The following LRRC70 variants were observed in gnomAD, a reference collection of about 807,000 sequenced individuals.
The protein encoded by LRRC70 is leucine rich repeat containing 70, also known as leucine-rich repeat-containing protein 70.
LRRC70 carries 31 observed loss-of-function variants against 42.4 expected under a neutral mutation model. That is an observed-to-expected ratio of 0.73 (90% CI 0.55 to 0.99). The LOEUF is 0.99. LRRC70 is among the 50% of genes least tolerant of loss of function. LRRC70 has a pLI of 0.00. For missense variants in LRRC70, 643 were observed against 707.5 expected, an observed-to-expected ratio of 0.91 and a Z score of 1.03; for synonymous variants, 270 against 262.9, an observed-to-expected ratio of 1.03 and a Z score of -0.26.
Position 62,580,697 on chromosome 5 carries a change from C to A in LRRC70, c.1259C>A (p.Ser420Tyr). 1 of 1,551,384 alleles carries A rather than the reference C, an allele frequency of 6.4e-7. No individual in the cohort carries two copies. The highest frequency in any genetic ancestry group is 2.4e-5 in the East Asian group (1 of 40,916). Residue 420 changes from serine to tyrosine, a missense_variant, in exon 2 of 2, where the codon TCT (serine) becomes TAT (tyrosine). By Grantham distance (144) the Ser-to-Tyr change is moderately radical. Coordinates refer to ENST00000334994, the MANE Select transcript of LRRC70 (RefSeq NM_181506.5). ...NVSRAWAVVK[S>Y]PHIHHKTTAL... ...TCCAGAGCTTGGGCTGTTGTAAAAT[C>A]TCCTCATATTCATCACAAGACTACT...
In LRRC70 at chr5:62,580,656, A is replaced by G. The variant is rs190449743; in HGVS notation, c.1218A>G (p.Thr406=). The G allele has an allele frequency of 7.1e-6, 11 of 1,551,518 alleles. No homozygotes were observed. In the East Asian group the frequency reaches 1.5e-4, roughly 21 times the overall value. The part of the protein sequence containing the change: ...LRYINITNCV[T]SSINVSRAWA... The stretch of plus-strand genomic sequence containing the variant: ...ATATTAACATTACAAATTGTGTTAC[A>G]TCTTCAATAAATGTATCCAGAGCTT... Residue 406 remains threonine (T), a synonymous_variant, in exon 2 of 2, where the codon ACA becomes ACG. Transcript: ENST00000334994.
Position 62,579,812 on chromosome 5 carries a change from C to T in LRRC70, c.374C>T (p.Pro125Leu). 1.9e-6 allele frequency: 3 copies of T among 1,545,900 alleles called. No individual in the cohort carries two copies. Among genetic ancestry groups the T allele is most frequent in the Non-Finnish European group, 2.6e-6 (3 of 1,143,286 alleles). ...LNNNFIKRLD[P>L]GIFKGLLNLR... is the part of the protein sequence containing the mutation. Reference sequence around the variant, plus strand: ...AATAATTTCATCAAACGCTTAGATCCTGGAATATTTAAGGGACTTTTAAAT... The same window carrying T: ...AATAATTTCATCAAACGCTTAGATCTTGGAATATTTAAGGGACTTTTAAAT... Residue 125 changes from proline to leucine, a missense_variant, in exon 2 of 2, where the codon CCT becomes CTT. Transcript: ENST00000334994.
rs151243125 is a variant in LRRC70 at position 62,580,458 on chromosome 5, G to A, written c.1020G>A (p.Leu340=). 6.4e-7 allele frequency: 1 copy of A among 1,551,324 alleles called. No individual in the cohort carries two copies. The highest frequency in any genetic ancestry group is 2.4e-5 in the East Asian group (1 of 40,910). ...TGTCATTTAATAATCTTACAGCCTTGCATCCAAGGGTCCTTAAGCCGTTGT... is the reference window on the plus strand; with the variant it reads ...TGTCATTTAATAATCTTACAGCCTTACATCCAAGGGTCCTTAAGCCGTTGT... ...LNLSFNNLTA[L]HPRVLKPLSS... The change falls in exon 2 of 2, where the codon TTG becomes TTA. Residue 340 remains leucine (L), a synonymous_variant. Coordinates refer to ENST00000334994, the MANE Select transcript of LRRC70 (RefSeq NM_181506.5).
In LRRC70 at chr5:62,581,345, T is replaced by C. The variant is rs1744552937; in HGVS notation, c.*38T>C. Reference sequence around the variant, plus strand: ...TTGTCTATAAGAAACTTCAGTGCCATGGACATGATTTAAACTGAAACCTCC... The same window carrying C: ...TTGTCTATAAGAAACTTCAGTGCCACGGACATGATTTAAACTGAAACCTCC... On this transcript the variant is annotated 3_prime_UTR_variant, in exon 2 of 2. Coordinates refer to ENST00000334994, the MANE Select transcript of LRRC70 (RefSeq NM_181506.5). The C allele has an allele frequency of 1.4e-6, 2 of 1,425,758 alleles. No homozygotes were observed. The highest frequency in any genetic ancestry group is 1.6e-5 in the South Asian group (1 of 64,132). The allele number at this position is 1,425,758 out of a possible 1,614,324, so 88.3% of individuals were successfully genotyped here.
Position 62,578,931 on chromosome 5 carries a change from T to C in LRRC70, c.-43T>C. 1 of 245,654 alleles carries C rather than the reference T, an allele frequency of 4.1e-6. No individual in the cohort carries two copies. The highest frequency in any genetic ancestry group is 2.3e-5 in the African/African-American group (1 of 43,248). The allele number at this position is 245,654 out of a possible 1,614,324, so 15.2% of individuals were successfully genotyped here. ...AGTGTTAATAATACGAATTTCCTTT[T>C]CTTGGTAAGATTATTTACTTAAATA... On this transcript the variant is annotated 5_prime_UTR_variant, in exon 1 of 2. Coordinates refer to ENST00000334994, the MANE Select transcript of LRRC70 (RefSeq NM_181506.5).
intron 1 of LRRC70, 43 bp downstream of exon 1, chr5:62,578,978 A>T (rs1292849190): frequency 4.2e-6 from 1 of 238,072 alleles, no homozygotes; most frequent in African/African-American, 2.3e-5. Flanking sequence ...CTGACATGAA[A>T]AATAGTTCTG....
Position 62,580,926 on chromosome 5 carries a change from G to C in LRRC70, c.1488G>C (p.Leu496Phe). 1.3e-6 allele frequency: 2 copies of C among 1,550,584 alleles called. No individual in the cohort carries two copies. The highest frequency in any genetic ancestry group is 1.7e-6 in the Non-Finnish European group (2 of 1,146,610). ...TTACTACTTCTGTTACCTTGAACTT[G>C]GAAAAAAACAGTGCTCTACCGAATG... ...IQLTTSVTLN[L>F]EKNSALPNDA... The change falls in exon 2 of 2, where the codon TTG (leucine) becomes TTC (phenylalanine). Residue 496 changes from leucine (L) to phenylalanine (F), a missense_variant. Transcript: ENST00000334994.
Position 62,580,634 on chromosome 5 carries a change from T to C in LRRC70, c.1196T>C (p.Ile399Thr). The C allele has an allele frequency of 1.3e-6, 2 of 1,551,500 alleles. No individual in the cohort carries two copies. Among genetic ancestry groups the C allele is most frequent in the Non-Finnish European group, 1.7e-6 (2 of 1,146,836 alleles). ...ATGCGTGGCAGAGCATTACGTTATA[T>C]TAACATTACAAATTGTGTTACATCT... ...PSMRGRALRY[I>T]NITNCVTSSI... The change falls in exon 2 of 2, where the codon ATT becomes ACT. Residue 399 changes from isoleucine (I) to threonine (T), a missense_variant. Physicochemically the swap from Ile to Thr is moderately conservative, Grantham distance 89. Coordinates refer to ENST00000334994, the MANE Select transcript of LRRC70 (RefSeq NM_181506.5).
In LRRC70 at chr5:62,581,268, T is replaced by A. The variant is rs1391229698; in HGVS notation, c.1830T>A (p.Asn610Lys). 1 of 1,538,096 alleles carries A rather than the reference T, an allele frequency of 6.5e-7. No homozygotes were observed. The highest frequency in any genetic ancestry group is 8.7e-7 in the Non-Finnish European group (1 of 1,143,198). Reference sequence around the variant, plus strand: ...TTCATAAACAAATTGTTCCTGAAAATGAGGCACAGGTCATTCTTTTTGAAC... The same window carrying A: ...TTCATAAACAAATTGTTCCTGAAAAAGAGGCACAGGTCATTCTTTTTGAAC... The part of the protein sequence containing the change: ...IRLHKQIVPE[N>K]EAQVILFEHS... The change falls in exon 2 of 2, where the codon AAT (asparagine) becomes AAA (lysine). Residue 610 changes from asparagine (N) to lysine (K), a missense_variant. Coordinates refer to ENST00000334994, the MANE Select transcript of LRRC70 (RefSeq NM_181506.5).
chr5:62,580,257 T>C lies in LRRC70; in HGVS notation c.819T>C (p.Ser273=). Residue 273 remains serine, a synonymous_variant, in exon 2 of 2, where the codon AGT becomes AGC. Transcript: ENST00000334994. ...GGAATGTTACTAGGGATGGGTTTAG[T>C]GGAATTAATAATCTTAAACATTTGA... The part of the protein sequence containing the change: ...RIRNVTRDGF[S]GINNLKHLIL... 1 of 1,544,904 alleles carries C rather than the reference T, an allele frequency of 6.5e-7. No individual in the cohort carries two copies. The highest frequency in any genetic ancestry group is 2.4e-5 in the East Asian group (1 of 40,846).
In LRRC70 at chr5:62,579,833, T is replaced by C; in HGVS notation, c.395T>C (p.Leu132Ser). Reference protein sequence around the residue: ...RLDPGIFKGLLNLRNLYLQYN... With the variant: ...RLDPGIFKGLSNLRNLYLQYN... ...GATCCTGGAATATTTAAGGGACTTT[T>C]AAATCTTCGTAATTTATATTTACAG... is the stretch of plus-strand genomic sequence containing the variant. The change falls in exon 2 of 2, where the codon TTA (leucine) becomes TCA (serine). Residue 132 changes from leucine (L) to serine (S), a missense_variant. Coordinates refer to ENST00000334994, the MANE Select transcript of LRRC70 (RefSeq NM_181506.5). 6.5e-7 allele frequency: 1 copy of C among 1,547,694 alleles called. No homozygotes were observed. Among genetic ancestry groups the C allele is most frequent in the Non-Finnish European group, 8.7e-7 (1 of 1,144,344 alleles).
Position 62,579,948 on chromosome 5 carries a change from C to G in LRRC70, c.510C>G (p.Val170=). ...YLNLQRNRLT[V]LGSGTFVGMV... ...ATCTACAAAGGAATCGCCTCACTGT[C>G]CTTGGGAGTGGTACCTTTGTTGGTA... Residue 170 remains valine (V), a synonymous_variant, in exon 2 of 2, where the codon GTC becomes GTG. Transcript: ENST00000334994. The G allele has an allele frequency of 6.4e-7, 1 of 1,551,192 alleles. No individual in the cohort carries two copies.
rs748742061 is a variant in LRRC70 at position 62,580,944 on chromosome 5, A to C, written c.1506A>C (p.Leu502=). The change falls in exon 2 of 2, where the codon CTA becomes CTC. Residue 502 remains leucine (L), a synonymous_variant. Transcript: ENST00000334994. ...VTLNLEKNSA[L]PNDAASMSGK... is the part of the protein sequence containing the mutation. ...TGAACTTGGAAAAAAACAGTGCTCT[A>C]CCGAATGATGCTGCTTCAATGTCAG... 4.5e-6 allele frequency: 7 copies of C among 1,551,230 alleles called. No individual in the cohort carries two copies. Among genetic ancestry groups the C allele is most frequent in the Admixed American group, 2.0e-5 (1 of 50,954 alleles).
rs1008116532 is a variant in LRRC70, at chr5:62,578,919, C to T, written c.-55C>T. 4.2e-6 allele frequency: 1 copy of T among 239,912 alleles called. No individual in the cohort carries two copies. Among genetic ancestry groups the T allele is most frequent in the Non-Finnish European group, 8.4e-6 (1 of 118,626 alleles). The allele number at this position is 239,912 out of a possible 1,614,324, so 14.9% of individuals were successfully genotyped here. A position where few individuals can be genotyped will look rare whatever the true frequency, so the allele number is the denominator to read the frequency against. On this transcript the variant is annotated 5_prime_UTR_variant, in exon 1 of 2. In the 5' UTR this introduces an upstream ATG that the reference lacks. Coordinates refer to ENST00000334994, the MANE Select transcript of LRRC70 (RefSeq NM_181506.5). ...CTGAATCAGCTGAGTGTTAATAATACGAATTTCCTTTTCTTGGTAAGATTA... is the reference window on the plus strand; with the variant it reads ...CTGAATCAGCTGAGTGTTAATAATATGAATTTCCTTTTCTTGGTAAGATTA...
At position 62,580,390 on chromosome 5, in the gene LRRC70, G is replaced by C. The variant is rs749566591; in HGVS notation, c.952G>C (p.Asp318His). 1.9e-6 allele frequency: 3 copies of C among 1,549,690 alleles called. No individual in the cohort carries two copies. The Admixed American group carries it at 5.9e-5, about 30-fold the overall frequency. Reference protein sequence around the residue: ...DRNRIISIDNDTFENMGASLK... With the variant: ...DRNRIISIDNHTFENMGASLK... ...AAACAGAATAATTAGCATTGATAAT[G>C]ATACATTTGAAAATATGGGAGCATC... Residue 318 changes from aspartate to histidine, a missense_variant, in exon 2 of 2, where the codon GAT becomes CAT. Physicochemically the swap from Asp to His is moderately conservative, Grantham distance 81 (BLOSUM62 -1). Transcript: ENST00000334994.
At chr5:62,578,971 A>G (rs1744430829) in intron 1 of LRRC70, 36 bp downstream of exon 1, 1 of 240,244 alleles carries the variant, frequency 4.2e-6, no homozygotes, top group Non-Finnish European at 8.3e-6. Context: ...CTTCTAGCTG[A>G]CATGAAAAAT....
intron 1 of LRRC70, 117 bp downstream of exon 1, chr5:62,579,052 GT>G (rs1193558515): frequency 4.2e-6 from 1 of 239,146 alleles, no homozygotes; most frequent in Non-Finnish European, 8.3e-6. Context: ...AAATTATAAT[GT>G]TATTTGATAT....
Position 62,579,756 on chromosome 5 carries a change from A to G in LRRC70, c.318A>G (p.Gln106=), listed in dbSNP as rs1468894657. Residue 106 remains glutamine (Q), a synonymous_variant, in exon 2 of 2, where the codon CAA becomes CAG. Transcript: ENST00000334994. The stretch of plus-strand genomic sequence containing the variant: ...ATGTATATCCAAAAGCCTTTGTTCA[A>G]TTGAGGCATCTATATTTTCTATTTC... ...ILYVYPKAFV[Q]LRHLYFLFLN... 4.5e-6 allele frequency: 7 copies of G among 1,545,666 alleles called. No individual in the cohort carries two copies. In the African/African-American group the frequency reaches 5.5e-5, roughly 12 times the overall value.
In LRRC70 at chr5:62,581,302, T is replaced by C. The variant is rs1301628823; in HGVS notation, c.1864T>C (p.Leu622=). 1 of 1,506,236 alleles carries C rather than the reference T, an allele frequency of 6.6e-7. No individual in the cohort carries two copies. Among genetic ancestry groups the C allele is most frequent in the East Asian group, 2.5e-5 (1 of 40,680 alleles). The allele number at this position is 1,506,236 out of a possible 1,614,324, so 93.3% of individuals were successfully genotyped here. ...AQVILFEHSA[L] is the part of the protein sequence containing the mutation. ...GGTCATTCTTTTTGAACATTCTGCT[T>C]TATAACTCAACTAAATATTGTCTAT... The change falls in exon 2 of 2, where the codon TTA becomes CTA. Residue 622 remains leucine, a synonymous_variant. Coordinates refer to ENST00000334994, the MANE Select transcript of LRRC70 (RefSeq NM_181506.5).
Sources: allele counts gnomAD v4.1 joint callset, GRCh38; gene constraint gnomAD v4.1.1; transcripts MANE v1.5; gene names NCBI Gene and HGNC (gene_info 2026-07-23, HGNC 2026-07-21).